Variants in KAT6B observed in about 807,000 individuals in gnomAD.
KAT6B encodes histone acetyltransferase KAT6B.
Under a neutral mutation model 187.5 loss-of-function variants are expected in KAT6B, and 10 were observed. The observed-to-expected ratio is 0.05, with a 90% CI of 0.03 to 0.09. The LOEUF (loss-of-function observed/expected upper bound fraction) is 0.09, where lower values mean the gene tolerates loss of function less well. Among genes scored for constraint, KAT6B ranks in the 10% least tolerant of loss-of-function variants. The pLI is 1.00. For missense variants in KAT6B, 1,952 were observed against 2,558.9 expected (o/e 0.76, Z 5.12); for synonymous variants, 861 against 926.8 (o/e 0.93, Z 1.29).
chr10:74,981,297 T>C (rs1842489908), intron 10 of KAT6B, among the ~76,000 whole-genome samples: 1 of 149,344 alleles, frequency 6.7e-6, no homozygotes, highest in Non-Finnish European at 1.5e-5. Flanking sequence ...CTGGCTTTCT[T>C]TCTTTCTTTC....
chr10:74,955,932 C>T (rs1437509018), intron 3 of KAT6B, among the ~76,000 whole-genome samples: 1 of 151,966 alleles, frequency 6.6e-6, no homozygotes, highest in African/African-American at 2.4e-5. Flanking sequence ...CCCTGCCTCC[C>T]TTCTTTTGAG....
intron 13 of KAT6B, among the ~76,000 whole-genome samples, chr10:75,002,059 A>C (rs530226466): frequency 1.3e-4 from 20 of 152,242 alleles, no homozygotes; most frequent in African/African-American, 4.8e-4. Context: ...CCAAGACAGG[A>C]CCTGAGGATG....
intron 3 of KAT6B, among the ~76,000 whole-genome samples, chr10:74,936,206 G>A (rs902653046): frequency 6.6e-6 from 1 of 152,018 alleles, no homozygotes; most frequent in Admixed American, 6.6e-5. Flanking sequence ...TTTGAGACCA[G>A]CCTGGCCAAC....
intron 17 of KAT6B, among the ~76,000 whole-genome samples, chr10:75,027,682 A>G (rs1408324058): frequency 6.6e-6 from 1 of 152,100 alleles, no homozygotes; most frequent in Non-Finnish European, 1.5e-5. Flanking sequence ...TTCAGTAAAA[A>G]GCTCACCTGA....
chr10:74,845,762 C>T (rs1450824204), intron 3 of KAT6B, among the ~76,000 whole-genome samples: 6 of 150,494 alleles, frequency 4.0e-5, no homozygotes, highest in East Asian at 1.9e-4. Context: ...AAGTTATGCT[C>T]CTCTTGTTTG....
chr10:74,880,339 T>A (rs753531871), intron 3 of KAT6B, among the ~76,000 whole-genome samples: 6 of 152,242 alleles, frequency 3.9e-5, no homozygotes, highest in South Asian at 2.1e-4. Context: ...TGGCCTTTTT[T>A]AAAAATCACT....
intron 4 of KAT6B, among the ~76,000 whole-genome samples, chr10:74,962,151 T>C (rs1313383456): frequency 6.6e-6 from 1 of 152,250 alleles, no homozygotes; most frequent in Non-Finnish European, 1.5e-5. Flanking sequence ...AAAAAACTAT[T>C]GTTCCTAACG....
At chr10:74,840,624 C>T (rs1452653795) in intron 2 of KAT6B, among the ~76,000 whole-genome samples, 1 of 152,086 alleles carries the variant, frequency 6.6e-6, no homozygotes, top group African/African-American at 2.4e-5. Context: ...GACTCATTGC[C>T]CATCTATTTG....
chr10:74,890,360 CG>C (rs973546079), intron 3 of KAT6B, among the ~76,000 whole-genome samples: 7 of 151,984 alleles, frequency 4.6e-5, no homozygotes, highest in African/African-American at 1.7e-4. Flanking sequence ...CACAGGAGGC[CG>C]GGTGTGGTGG....
At chr10:75,018,795 T>C (rs921175884) in intron 13 of KAT6B, among the ~76,000 whole-genome samples, 1 of 152,130 alleles carries the variant, frequency 6.6e-6, no homozygotes, top group African/African-American at 2.4e-5. Flanking sequence ...CTGGGGACTT[T>C]CACACTCACT....
intron 3 of KAT6B, among the ~76,000 whole-genome samples, chr10:74,888,388 C>A (rs925317284): frequency 3.3e-5 from 5 of 152,026 alleles, no homozygotes; most frequent in Non-Finnish European, 5.9e-5. Context: ...TATAAAGAAG[C>A]TTCTGCATAT....
chr10:75,009,050 A>G (rs759410999), intron 13 of KAT6B, among the ~76,000 whole-genome samples: 27 of 152,180 alleles, frequency 1.8e-4, no homozygotes, highest in Non-Finnish European at 2.6e-4. Context: ...TACACTTCCA[A>G]TCTACTTGTC....
chr10:74,879,157 C>T (rs1844661700), intron 3 of KAT6B, among the ~76,000 whole-genome samples: 2 of 152,164 alleles, frequency 1.3e-5, no homozygotes, highest in Non-Finnish European at 2.9e-5. Flanking sequence ...AATCGGTTTG[C>T]ATCAGTCACT....
chr10:74,849,372 C>T (rs1280396120), intron 3 of KAT6B, among the ~76,000 whole-genome samples: 1 of 151,820 alleles, frequency 6.6e-6, no homozygotes, highest in East Asian at 1.9e-4. Context: ...CAGCTCACTG[C>T]AACCTCCGCC....
At chr10:74,976,414 T>G (rs1842166289) in intron 8 of KAT6B, 84 bp downstream of exon 8, 4 of 1,083,948 alleles carry the variant, frequency 3.7e-6, no homozygotes, top group Non-Finnish European at 5.5e-6. Flanking sequence ...AATCAATTCC[T>G]ATTTGTCACA....
intron 1 of KAT6B, among the ~76,000 whole-genome samples, chr10:74,830,769 T>TGTATATATA (rs58702000): frequency 1.3e-4 from 1 of 7,738 alleles, no homozygotes; most frequent in African/African-American, 3.6e-4. Context: ...TATATATATA[T>TGTATATATA]TTTTTTTTTT....
At chr10:74,893,225 C>T (rs1589563969) in intron 3 of KAT6B, among the ~76,000 whole-genome samples, 1 of 152,220 alleles carries the variant, frequency 6.6e-6, no homozygotes, top group African/African-American at 2.4e-5. Flanking sequence ...AGATATTTTA[C>T]AGGCTGCAGG....
At chr10:74,833,898 C>G (rs1296255618) in intron 1 of KAT6B, among the ~76,000 whole-genome samples, 2 of 152,176 alleles carry the variant, frequency 1.3e-5, no homozygotes, top group Non-Finnish European at 2.9e-5. Flanking sequence ...TCAGTTCAAC[C>G]AGCGTTTTAT....
intron 3 of KAT6B, among the ~76,000 whole-genome samples, chr10:74,955,990 C>T (rs1275716065): frequency 3.3e-5 from 5 of 152,134 alleles, no homozygotes; most frequent in African/African-American, 1.2e-4. Flanking sequence ...GTGGTGCAAT[C>T]ACGACTCATT....
Sources: allele counts gnomAD v4.1 joint callset (sites outside exome capture counted in the v4.1 genomes callset), GRCh38; gene constraint gnomAD v4.1.1; transcripts MANE v1.5; gene names NCBI Gene and HGNC (gene_info 2026-07-23, HGNC 2026-07-21).